Variants in DYSF observed in about 807,000 individuals in gnomAD.
DYSF encodes dystrophy-associated fer-1-like 1.
In DYSF, 212 loss-of-function variants were observed where a neutral mutation model predicts 274.9. The ratio of observed to expected loss-of-function variants is 0.77; its 90% CI spans 0.69 to 0.86. The LOEUF (loss-of-function observed/expected upper bound fraction) is 0.86. Among genes scored for constraint, DYSF ranks in the 40% least tolerant of loss-of-function variants. The probability of loss-of-function intolerance (pLI) is 0.00; values close to 1 mark genes in which losing one functional copy is unlikely to be tolerated. For synonymous variants in DYSF, 1,091 were observed against 1,078.7 expected (o/e 1.01, Z -0.22); for missense variants, 2,666 against 2,783.2 (o/e 0.96, Z 0.95).
chr2:71,548,271 T>G (rs2090641150), intron 17 of DYSF, among the ~76,000 whole-genome samples: 1 of 152,206 alleles, frequency 6.6e-6, no homozygotes, highest in Non-Finnish European at 1.5e-5. Context: ...CTCCACTCTT[T>G]CTGTGTCTTT....
At chr2:71,618,569 T>TGTGTGTGTGTGGTAGAGGTG (rs1488007194) in intron 40 of DYSF, among the ~76,000 whole-genome samples, 4 of 3,418 alleles carry the variant, frequency 1.2e-3, no homozygotes, top group Non-Finnish European at 3.2e-3. Flanking sequence ...AGTGTGTGTT[T>TGTGTGTGTGTGGTAGAGGTG]GTGTGGGGTA....
chr2:71,567,821 C>T, intron 24 of DYSF, 130 bp from the exon 25 acceptor site: 1 of 1,378,936 alleles, frequency 7.3e-7, no homozygotes, highest in East Asian at 2.3e-5. Context: ...AGCGCTCCCA[C>T]AGGGGACACT....
chr2:71,562,077 C>A, intron 23 of DYSF, 133 bp downstream of exon 23: 1 of 1,250,832 alleles, frequency 8.0e-7, no homozygotes, highest in Admixed American at 2.0e-5. Flanking sequence ...GGGCAGGTGA[C>A]TTAACCTCTC....
At chr2:71,567,275 A>C (rs1429405795) in intron 24 of DYSF, among the ~76,000 whole-genome samples, 1 of 152,222 alleles carries the variant, frequency 6.6e-6, no homozygotes, top group African/African-American at 2.4e-5. Context: ...GCTGATAATC[A>C]CTTGAAAGGG....
At chr2:71,618,112 G>GT (rs2093956758) in intron 40 of DYSF, among the ~76,000 whole-genome samples, 1 of 141,442 alleles carries the variant, frequency 7.1e-6, no homozygotes, top group African/African-American at 2.7e-5. Flanking sequence ...GGTAGAGGTG[G>GT]GGTGTGTGTG....
At chr2:71,626,669 G>C (rs1046270543) in intron 41 of DYSF, among the ~76,000 whole-genome samples, 1 of 151,744 alleles carries the variant, frequency 6.6e-6, no homozygotes, top group Non-Finnish European at 1.5e-5. Flanking sequence ...TTTTTGGGAT[G>C]ATATTGGCTT....
rs777385809 is a variant in DYSF, at chr2:71,679,140, T to A, written c.5968T>A (p.Phe1990Ile). ...CTCCTTGGACCAGCTGGATGATGCT[T>A]TCCACCCAGAATGGTTTGTGTCCCT... ...KCSLDQLDDA[F>I]HPEWFVSLFE... is the part of the protein sequence containing the mutation. Residue 1990 changes from phenylalanine to isoleucine, a missense_variant, in exon 53 of 56, where the codon TTC becomes ATC. By Grantham distance (21) the Phe-to-Ile change is conservative. Transcript: ENST00000410020. 1 of 1,614,086 alleles carries A rather than the reference T, an allele frequency of 6.2e-7. No homozygotes were observed. The highest frequency in any genetic ancestry group is 1.1e-5 in the South Asian group (1 of 91,066).
intron 1 of DYSF, among the ~76,000 whole-genome samples, chr2:71,461,119 C>T (rs4268945): frequency 0.34 from 51,388 of 151,908 alleles, 9,126 homozygotes; most frequent in East Asian, 0.6. Flanking sequence ...CTGTACTACA[C>T]GCTGGGAATA....
chr2:71,512,781 T>C (rs189313390), intron 5 of DYSF, among the ~76,000 whole-genome samples: 1,727 of 151,716 alleles, frequency 0.011, 28 homozygotes, highest in African/African-American at 0.04. Flanking sequence ...GCCCTGTGCC[T>C]GACCTGGGGC....
At chr2:71,641,136 G>T in intron 41 of DYSF, among the ~76,000 whole-genome samples, 1 of 149,734 alleles carries the variant, frequency 6.7e-6, no homozygotes, top group African/African-American at 2.5e-5. Flanking sequence ...ATTCCTAATA[G>T]TATATCTACT....
intron 17 of DYSF, chr2:71,549,510 C>T: frequency 4.0e-6 from 4 of 989,766 alleles, no homozygotes; most frequent in Middle Eastern, 2.4e-4. Context: ...TGAGATTCCC[C>T]CACAAAGGTA....
intron 24 of DYSF, among the ~76,000 whole-genome samples, chr2:71,566,250 T>G (rs943831294): frequency 4.8e-4 from 72 of 149,266 alleles, no homozygotes; most frequent in Middle Eastern, 3.5e-3. Flanking sequence ...TGCTGCTGAA[T>G]TGTGCCTGGT....
At chr2:71,570,504 T>C in intron 28 of DYSF, 95 bp from the exon 29 acceptor site, 1 of 1,552,826 alleles carries the variant, frequency 6.4e-7, no homozygotes, top group Non-Finnish European at 8.8e-7. Flanking sequence ...CAGTGGCCGC[T>C]CAAGAGTCTG....
chr2:71,612,659 C>G lies in DYSF; in HGVS notation c.4240C>G (p.Leu1414Val). Residue 1414 changes from leucine (L) to valine (V), a missense_variant, in exon 39 of 56, where the codon CTC becomes GTC. Around this residue, in one of 3 missense-constraint regions of DYSF, gnomAD observed 1,460 missense variants for 1,502.1 expected, o/e 0.97. Coordinates refer to ENST00000410020, the MANE Select transcript of DYSF (RefSeq NM_001130987.2). ...FMEVMLPREE[L>V]YCPPITVKVI... The stretch of plus-strand genomic sequence containing the variant: ...CACCCAGATGCTGCCCAGGGAGGAG[C>G]TCTACTGCCCCCCCATCACCGTCAA... The G allele has an allele frequency of 6.2e-7, 1 of 1,614,102 alleles. No individual in the cohort carries two copies. Among genetic ancestry groups the G allele is most frequent in the Non-Finnish European group, 8.5e-7 (1 of 1,179,994 alleles).
intron 45 of DYSF, among the ~76,000 whole-genome samples, chr2:71,661,308 A>G (rs1275948600): frequency 2.6e-5 from 4 of 151,942 alleles, no homozygotes; most frequent in Non-Finnish European, 4.4e-5. Context: ...CCCTTACTCA[A>G]TTTCCCCCAC....
intron 29 of DYSF, among the ~76,000 whole-genome samples, chr2:71,571,319 C>T (rs2092423660): frequency 7.1e-6 from 1 of 140,596 alleles, no homozygotes; most frequent in African/African-American, 2.7e-5. Context: ...CCTAGCACAC[C>T]CAGCACACGC....
In DYSF at chr2:71,570,655, G is replaced by T; in HGVS notation, c.3142G>T (p.Ala1048Ser). 1 of 1,614,098 alleles carries T rather than the reference G, an allele frequency of 6.2e-7. No homozygotes were observed. Among genetic ancestry groups the T allele is most frequent in the South Asian group, 1.1e-5 (1 of 91,080 alleles). Residue 1048 changes from alanine to serine, a missense_variant, in exon 29 of 56, where the codon GCT becomes TCT. Physicochemically the swap from Ala to Ser is moderately conservative, Grantham distance 99. This residue lies in a region of DYSF where 1,460 missense variants were observed against 1,502.1 expected (regional missense o/e 0.97). Transcript: ENST00000410020. ...PERKPKHWVP[A>S]EKMYYTHRRR... ...GCGGAAGCCGAAGCACTGGGTCCCTGCTGAGAAGATGTACTACACACACCG... is the reference window on the plus strand; with the variant it reads ...GCGGAAGCCGAAGCACTGGGTCCCTTCTGAGAAGATGTACTACACACACCG...
chr2:71,486,181 T>A (rs550643746), intron 3 of DYSF, among the ~76,000 whole-genome samples: 2 of 152,120 alleles, frequency 1.3e-5, no homozygotes, highest in Admixed American at 1.3e-4. Context: ...GGGCGTGTCT[T>A]CTGTGAGCTC....
At chr2:71,531,590 C>T (rs994878207) in intron 14 of DYSF, among the ~76,000 whole-genome samples, 2 of 151,690 alleles carry the variant, frequency 1.3e-5, no homozygotes, top group Non-Finnish European at 2.9e-5. Context: ...GCACAGGACA[C>T]GTATCAAAGG....
Sources: allele counts gnomAD v4.1 joint callset (sites outside exome capture counted in the v4.1 genomes callset), GRCh38; gene constraint gnomAD v4.1.1; regional missense constraint gnomAD v4.1.1; transcripts MANE v1.5; gene names NCBI Gene and HGNC (gene_info 2026-07-23, HGNC 2026-07-21).